SBF1: variants seen among roughly 807,000 people sequenced by gnomAD.
The protein encoded by SBF1 is myotubularin-related protein 5.
SBF1 carries 65 observed loss-of-function variants against 215.8 expected under a neutral mutation model. That is an observed-to-expected ratio of 0.30 (90% CI 0.25 to 0.37). The LOEUF (loss-of-function observed/expected upper bound fraction) is 0.37, where lower values mean the gene tolerates loss of function less well. Among genes scored for constraint, SBF1 ranks in the 10% least tolerant of loss-of-function variants. The pLI is 1.00. For synonymous variants in SBF1, 1,410 were observed against 1,122.8 expected (o/e 1.26, Z -5.11); for missense variants, 2,634 against 2,667.8 (o/e 0.99, Z 0.28).
At chr22:50,467,317 C>A in intron 5 of SBF1, 21 bp downstream of exon 5, 2 of 1,601,652 alleles carry the variant, frequency 1.2e-6, no homozygotes, top group Non-Finnish European at 1.7e-6. Flanking sequence ...TGTGCAGATA[C>A]CAGCTGCCTC....
chr22:50,474,473 G>A (rs2068103435), intron 1 of SBF1, among the ~76,000 whole-genome samples: 1 of 152,130 alleles, frequency 6.6e-6, no homozygotes, highest in Non-Finnish European at 1.5e-5. Context: ...TCTCCCTGCC[G>A]CCACCAGGCC....
chr22:50,464,629 T>C lies in SBF1; in HGVS notation c.1541A>G (p.Gln514Arg). The C allele has an allele frequency of 6.2e-7, 1 of 1,610,632 alleles. No homozygotes were observed. The highest frequency in any genetic ancestry group is 8.5e-7 in the Non-Finnish European group (1 of 1,179,832). The change falls in exon 14 of 41, where the codon CAG (glutamine) becomes CGG (arginine). Residue 514 changes from glutamine to arginine, a missense_variant. By Grantham distance (43) the Gln-to-Arg change is conservative. Coordinates refer to ENST00000380817, the MANE Select transcript of SBF1 (RefSeq NM_002972.4). ...PFPRLDEGTV[Q>R]WIVDQAAAKM... ...GGCTGCAGCCTGGTCCACGATCCAC[T>C]GCACGGTGCCCTCATCCAGCCGGGG...
At position 50,464,849 on chromosome 22, in the gene SBF1, G is replaced by A; in HGVS notation, c.1401C>T (p.Val467=). 1 of 1,613,660 alleles carries A rather than the reference G, an allele frequency of 6.2e-7. No individual in the cohort carries two copies. Among genetic ancestry groups the A allele is most frequent in the Non-Finnish European group, 8.5e-7 (1 of 1,180,012 alleles). The stretch of plus-strand genomic sequence containing the variant: ...TGTAGAGCTGCTCTGCCAGTTCCTG[G>A]ACGTGACGCAGGACACGCTGGGGGT... ...ENHPQRVLRH[V]QELAEQLYKN... The change falls in exon 13 of 41, where the codon GTC becomes GTT. Residue 467 remains valine, a synonymous_variant. Coordinates refer to ENST00000380817, the MANE Select transcript of SBF1 (RefSeq NM_002972.4).
chr22:50,467,735 G>A (rs1352542086), intron 3 of SBF1, 45 bp from the exon 4 acceptor site: 22 of 1,610,524 alleles, frequency 1.4e-5, no homozygotes, highest in Middle Eastern at 1.8e-4. Flanking sequence ...AGTTGGCCAC[G>A]GCCCAAGGAT....
chr22:50,455,186 T>C (rs2067199477), intron 33 of SBF1, 38 bp downstream of exon 33: 1 of 1,613,534 alleles, frequency 6.2e-7, no homozygotes, highest in South Asian at 1.1e-5. Flanking sequence ...GCGGTCAGGG[T>C]GCACAGTCCC....
Position 50,447,019 on chromosome 22 carries a change from G to T in SBF1, c.*123C>A. ...GGGGACGGGGGCTGTACACACAAGT[G>T]CTGGGGGCTCGGGGCCTCAATACTG... On this transcript the variant is annotated 3_prime_UTR_variant, in exon 41 of 41. Coordinates refer to ENST00000380817, the MANE Select transcript of SBF1 (RefSeq NM_002972.4). 1.1e-6 allele frequency: 1 copy of T among 870,050 alleles called. No homozygotes were observed. Among genetic ancestry groups the T allele is most frequent in the Non-Finnish European group, 1.8e-6 (1 of 543,134 alleles). The allele number at this position is 870,050 out of a possible 1,614,324, so 53.9% of individuals were successfully genotyped here. A position where few individuals can be genotyped will look rare whatever the true frequency, so the allele number is the denominator to read the frequency against.
In SBF1 at chr22:50,461,956, T is replaced by G; in HGVS notation, c.2560A>C (p.Met854Leu). The part of the protein sequence containing the change: ...TSDHLKGLHV[M>L]VPDIVQMHIE... ...GCCCAAACCCCCGTACCTGGCACCA[T>G]GACATGCAGCCCCTTGAGGTGGTCG... The change falls in exon 20 of 41, where the codon ATG becomes CTG. Residue 854 changes from methionine to leucine, a missense_variant. Met to Leu is a conservative substitution (Grantham distance 15). Coordinates refer to ENST00000380817, the MANE Select transcript of SBF1 (RefSeq NM_002972.4). The G allele has an allele frequency of 1.2e-6, 2 of 1,614,128 alleles. No homozygotes were observed. Among genetic ancestry groups the G allele is most frequent in the Non-Finnish European group, 1.7e-6 (2 of 1,179,970 alleles).
rs754136581 is a variant in SBF1, at chr22:50,460,048, C to T, written c.3395G>A (p.Arg1132His). 8.1e-6 allele frequency: 13 copies of T among 1,613,976 alleles called. No homozygotes were observed. Among genetic ancestry groups the T allele is most frequent in the East Asian group, 6.7e-5 (3 of 44,878 alleles). The change falls in exon 26 of 41, where the codon CGC becomes CAC. Residue 1132 changes from arginine to histidine, a missense_variant. Coordinates refer to ENST00000380817, the MANE Select transcript of SBF1 (RefSeq NM_002972.4). ...VERACCRDYQ[R>H]LGLGTLSSSL... ...GCTGCTCAGGGTGCCCAGACCGAGGCGCTGGTAGTCGCGACAGCAAGCCCT... is the reference window on the plus strand; with the variant it reads ...GCTGCTCAGGGTGCCCAGACCGAGGTGCTGGTAGTCGCGACAGCAAGCCCT...
intron 36 of SBF1, among the ~76,000 whole-genome samples, chr22:50,453,766 G>T (rs553027404): frequency 1.4e-4 from 21 of 151,990 alleles, no homozygotes; most frequent in Middle Eastern, 3.4e-3. Flanking sequence ...CAGCCTGGGC[G>T]ACAGAGCGAG....
At chr22:50,467,999 C>T in intron 2 of SBF1, 76 bp from the exon 3 acceptor site, 1 of 1,558,446 alleles carries the variant, frequency 6.4e-7, no homozygotes, top group Non-Finnish European at 8.7e-7. Context: ...CCAGCATCTG[C>T]ACCACCAGGC....
At position 50,466,619 on chromosome 22, in the gene SBF1, A is replaced by G. The variant is rs2067770072; in HGVS notation, c.641T>C (p.Leu214Pro). Residue 214 changes from leucine to proline, a missense_variant, in exon 6 of 41, where the codon CTC (leucine) becomes CCC (proline). Physicochemically the swap from Leu to Pro is moderately conservative, Grantham distance 98. Transcript: ENST00000380817. ...GACAGGCTCACCTAGCTGGCGGAAG[A>G]GCAGGGCCACGCTGCAGCGGCTGAC... ...LPVSRCSVAL[L>P]FRQLGITNVL... 3 of 1,552,372 alleles carry G rather than the reference A, an allele frequency of 1.9e-6. No homozygotes were observed. The highest frequency in any genetic ancestry group is 2.6e-6 in the Non-Finnish European group (3 of 1,147,532).
chr22:50,461,326 AGG>A lies in SBF1; in HGVS notation c.2840-42_2840-41del, dbSNP rs35628474. On this transcript the variant is annotated intron_variant, in intron 22 of 40. Coordinates refer to ENST00000380817, the MANE Select transcript of SBF1 (RefSeq NM_002972.4). The stretch of plus-strand genomic sequence containing the variant: ...GGCAGAGTCAGAAGCAAGGAAGGTA[AGG>A]GGGGGGGGGTCCCAGAATCTCAGGG... 37,320 of 1,420,822 alleles carry A rather than the reference AGG, an allele frequency of 0.026. 2,150 individuals are homozygous for A. In the African/African-American group the frequency reaches 0.26, roughly 10 times the overall value. The allele number at this position is 1,420,822 out of a possible 1,614,324, so 88.0% of individuals were successfully genotyped here. A position where few individuals can be genotyped will look rare whatever the true frequency, so the allele number is the denominator to read the frequency against.
intron 36 of SBF1, among the ~76,000 whole-genome samples, chr22:50,449,571 C>T (rs1429965449): frequency 1.3e-5 from 2 of 151,970 alleles, no homozygotes; most frequent in Non-Finnish European, 2.9e-5. Context: ...GCCGAGATCA[C>T]ACCACTGCCC....
In SBF1 at chr22:50,456,777, G is replaced by A. The variant is rs976819759; in HGVS notation, c.3905-104C>T. 7.6e-5 allele frequency: 83 copies of A among 1,086,094 alleles called. No homozygotes were observed. The African/African-American group carries it at 1.2e-3, about 15-fold the overall frequency. The allele number at this position is 1,086,094 out of a possible 1,614,324, so 67.3% of individuals were successfully genotyped here. A position where few individuals can be genotyped will look rare whatever the true frequency, so the allele number is the denominator to read the frequency against. Reference sequence around the variant, plus strand: ...GGGAGGGGGCTGAGCTCCCAGGGCAGGGGTGGTTGGCAGGACCCCAGCAGG... The same window carrying A: ...GGGAGGGGGCTGAGCTCCCAGGGCAAGGGTGGTTGGCAGGACCCCAGCAGG... On this transcript the variant is annotated intron_variant, in intron 29 of 40. Coordinates refer to ENST00000380817, the MANE Select transcript of SBF1 (RefSeq NM_002972.4).
Position 50,474,871 on chromosome 22 carries a change from C to T in SBF1, c.-31G>A. On this transcript the variant is annotated 5_prime_UTR_variant, in exon 1 of 41. Transcript: ENST00000380817. ...GGGACGCGGGGCGGCCCGAGGGGCG[C>T]GGGCGGGCTCCGCGGCTCGGGGACT... 1.5e-6 allele frequency: 2 copies of T among 1,349,240 alleles called. No homozygotes were observed. Among genetic ancestry groups the T allele is most frequent in the Middle Eastern group, 2.8e-4 (1 of 3,618 alleles). 83.6% of individuals were successfully genotyped at this position (1,349,240 alleles called of 1,614,324 possible). A position where few individuals can be genotyped will look rare whatever the true frequency, so the allele number is the denominator to read the frequency against.
chr22:50,467,002 C>G (rs1223304560), intron 5 of SBF1: 6 of 557,342 alleles, frequency 1.1e-5, no homozygotes, highest in Non-Finnish European at 1.9e-5. Context: ...CAGAGTCCAG[C>G]TGCACAGGAC....
chr22:50,449,616 A>AC (rs2066964842), intron 36 of SBF1, among the ~76,000 whole-genome samples: 1 of 56,880 alleles, frequency 1.8e-5, no homozygotes, highest in Admixed American at 2.3e-4. Context: ...TTCTGTCTCA[A>AC]AACACACAAA....
At chr22:50,447,481 C>CCCCCTCCCCCGTGAGT in intron 39 of SBF1, 28 bp from the exon 40 acceptor site, 1 of 1,609,776 alleles carries the variant, frequency 6.2e-7, no homozygotes, top group Non-Finnish European at 8.5e-7. Context: ...GTCAGCGGAG[C>CCCCCTCCCCCGTGAGT]CCCCTCCCCC....
Position 50,454,960 on chromosome 22 carries a change from A to G in SBF1, c.4682-16T>C. 6.2e-7 allele frequency: 1 copy of G among 1,613,910 alleles called. No individual in the cohort carries two copies. Among genetic ancestry groups the G allele is most frequent in the Non-Finnish European group, 8.5e-7 (1 of 1,180,004 alleles). ...TACAGCAGCCCTGCACAGAAGCAGC[A>G]CTGAGCCTGGGCCCCTCCTGACCCG... On this transcript the variant is annotated splice_polypyrimidine_tract_variant and intron_variant, in intron 34 of 40. Transcript: ENST00000380817.
Sources: allele counts gnomAD v4.1 joint callset (sites outside exome capture counted in the v4.1 genomes callset), GRCh38; gene constraint gnomAD v4.1.1; transcripts MANE v1.5; gene names NCBI Gene and HGNC (gene_info 2026-07-23, HGNC 2026-07-21).